PPP4R2: variants seen among roughly 807,000 people sequenced by gnomAD.
PPP4R2 encodes serine/threonine-protein phosphatase 4 regulatory subunit 2.
Under a neutral mutation model 47.2 loss-of-function variants are expected in PPP4R2, and 13 were observed. The ratio of observed to expected loss-of-function variants is 0.28; its 90% confidence interval spans 0.18 to 0.44. The LOEUF is 0.44. Among genes scored for constraint, PPP4R2 ranks in the 20% least tolerant of loss-of-function variants. The pLI, the probability that PPP4R2 is intolerant of heterozygous loss-of-function variation, is 1.00. For missense variants in PPP4R2, 421 were observed against 491.2 expected, an observed-to-expected ratio of 0.86 and a Z score of 1.35; for synonymous variants, 151 against 163.3, an observed-to-expected ratio of 0.92 and a Z score of 0.57.
At chr3:73,057,515 CTT>C (rs1434467531) in intron 3 of PPP4R2, among the ~76,000 whole-genome samples, 1 of 152,066 alleles carries the variant, frequency 6.6e-6, no homozygotes, top group Non-Finnish European at 1.5e-5. Flanking sequence ...TGTGCCTTGT[CTT>C]TTGGTAGAAC....
In PPP4R2 at chr3:73,064,931, G is replaced by A; in HGVS notation, c.718G>A (p.Ala240Thr). 6.2e-7 allele frequency: 1 copy of A among 1,613,892 alleles called. No homozygotes were observed. Reference sequence around the variant, plus strand: ...ACATCCAGATGAAGATGCTGTGGAAGCTGAGGGGCATGAGGTAAAAAGACT... The same window carrying A: ...ACATCCAGATGAAGATGCTGTGGAAACTGAGGGGCATGAGGTAAAAAGACT... ...NKHPDEDAVE[A>T]EGHEVKRLRF... is the part of the protein sequence containing the mutation. The change falls in exon 8 of 9, where the codon GCT becomes ACT. Residue 240 changes from alanine (A) to threonine (T), a missense_variant. Around this residue, in one of 2 missense-constraint regions of PPP4R2, gnomAD observed 317 missense variants for 287.5 expected, o/e 1.10. Transcript: ENST00000356692.
chr3:73,054,648 C>A (rs1273763021), intron 3 of PPP4R2, among the ~76,000 whole-genome samples: 2 of 151,966 alleles, frequency 1.3e-5, no homozygotes, highest in Admixed American at 6.6e-5. Flanking sequence ...TTTTTATGGT[C>A]ATTTCTTTAG....
Position 73,069,023 on chromosome 3 carries a change from T to A in PPP4R2, c.*3301T>A, listed in dbSNP as rs945557673. 2.0e-5 allele frequency: 3 copies of A among 152,108 alleles called. No homozygotes were observed. Among genetic ancestry groups the A allele is most frequent in the African/African-American group, 7.2e-5 (3 of 41,416 alleles). The allele number at this position is 152,108 out of a possible 1,614,324, so 9.4% of individuals were successfully genotyped here. ...TTCATATGGAATTATAAAAATTAGG[T>A]TTGCTGGGTTTTGGCCTAATAAGAG... On this transcript the variant is annotated 3_prime_UTR_variant, in exon 9 of 9. Transcript: ENST00000356692.
chr3:73,038,858 G>A (rs1054408855), intron 2 of PPP4R2, among the ~76,000 whole-genome samples: 1 of 152,174 alleles, frequency 6.6e-6, no homozygotes, highest in Admixed American at 6.5e-5. Flanking sequence ...TTGTCTGAAA[G>A]TTTGTGTTAC....
intron 3 of PPP4R2, among the ~76,000 whole-genome samples, chr3:73,050,453 TTATA>T (rs67972717): frequency 2.0e-5 from 3 of 152,000 alleles, no homozygotes; most frequent in Non-Finnish European, 4.4e-5. Context: ...TTTGTGTTTT[TTATA>T]TATATATAGT....
In PPP4R2 at chr3:73,065,120, G is replaced by T; in HGVS notation, c.907G>T (p.Glu303Ter). 6.2e-7 allele frequency: 1 copy of T among 1,609,780 alleles called. No homozygotes were observed. The highest frequency in any genetic ancestry group is 8.5e-7 in the Non-Finnish European group (1 of 1,178,228). ...GCACTGTACAGAAGAGGATGAAGAAGAGGATGAAGAGGAAGAAGAAGGTAT... is the reference window on the plus strand; with the variant it reads ...GCACTGTACAGAAGAGGATGAAGAATAGGATGAAGAGGAAGAAGAAGGTAT... ...RQHCTEEDEE[E>*]DEEEEEESFM... The change falls in exon 8 of 9, where the codon GAG (glutamate) becomes TAG (stop). Residue 303 changes from glutamate to a stop codon, truncating the protein, a stop_gained. Transcript: ENST00000356692. LOFTEE classifies it high-confidence loss of function.
chr3:73,046,928 T>C (rs891296312), intron 2 of PPP4R2, among the ~76,000 whole-genome samples: 1 of 152,178 alleles, frequency 6.6e-6, no homozygotes, highest in Non-Finnish European at 1.5e-5. Flanking sequence ...CCATAGACTT[T>C]CAGGCAGAGG....
chr3:73,048,150 C>A (rs1052238645), intron 3 of PPP4R2, among the ~76,000 whole-genome samples: 27 of 152,214 alleles, frequency 1.8e-4, no homozygotes, highest in African/African-American at 4.6e-4. Flanking sequence ...GCTGGAATTA[C>A]AGGCGTGAGC....
In PPP4R2 at chr3:73,064,198, A is replaced by G; in HGVS notation, c.638+52A>G. 11 of 1,466,698 alleles carry G rather than the reference A, an allele frequency of 7.5e-6. No homozygotes were observed. Among genetic ancestry groups the G allele is most frequent in the Non-Finnish European group, 1.0e-5 (11 of 1,074,232 alleles). 90.9% of individuals were successfully genotyped at this position (1,466,698 alleles called of 1,614,324 possible). On this transcript the variant is annotated intron_variant, in intron 7 of 8. Transcript: ENST00000356692. ...GTGTTTTTATTAAAAGTTAAAGTTAACATTTAATCAGTACTTATCACTTAC... is the reference window on the plus strand; with the variant it reads ...GTGTTTTTATTAAAAGTTAAAGTTAGCATTTAATCAGTACTTATCACTTAC...
At chr3:73,058,023 C>A (rs1285702227) in intron 3 of PPP4R2, among the ~76,000 whole-genome samples, 2 of 152,118 alleles carry the variant, frequency 1.3e-5, no homozygotes. Context: ...CTGCGTTTGT[C>A]GTACCTCGTG....
chr3:73,035,865 C>T (rs1312451905), intron 2 of PPP4R2, among the ~76,000 whole-genome samples: 1 of 152,178 alleles, frequency 6.6e-6, no homozygotes, highest in African/African-American at 2.4e-5. Context: ...ATCCGCCCAC[C>T]TCTGCCTCCC....
At chr3:73,006,397 C>T (rs1267287945) in intron 2 of PPP4R2, among the ~76,000 whole-genome samples, 2 of 151,938 alleles carry the variant, frequency 1.3e-5, no homozygotes, top group Admixed American at 6.6e-5. Flanking sequence ...CGGGGTTTTA[C>T]CACATGGGCC....
chr3:73,049,511 A>G (rs993133440), intron 3 of PPP4R2, among the ~76,000 whole-genome samples: 3 of 152,128 alleles, frequency 2.0e-5, no homozygotes, highest in Admixed American at 6.5e-5. Flanking sequence ...AAAAAAAGAG[A>G]ATACTTCTCG....
chr3:73,024,696 C>T (rs1463314426), intron 2 of PPP4R2, among the ~76,000 whole-genome samples: 2 of 151,694 alleles, frequency 1.3e-5, no homozygotes, highest in African/African-American at 2.4e-5. Context: ...TTGTTTTTTT[C>T]TTCACAGCTC....
intron 2 of PPP4R2, among the ~76,000 whole-genome samples, chr3:73,040,480 A>G (rs1216626292): frequency 6.6e-6 from 1 of 150,772 alleles, no homozygotes; most frequent in African/African-American, 2.4e-5. Flanking sequence ...TTTAATTGTA[A>G]TGAAGTAGAT....
At chr3:73,005,825 T>C (rs78535701) in intron 2 of PPP4R2, among the ~76,000 whole-genome samples, 1 of 44,508 alleles carries the variant, frequency 2.2e-5, no homozygotes, top group Non-Finnish European at 5.2e-5. Context: ...AGAGTGAAAC[T>C]CTGTCTGCAA....
intron 2 of PPP4R2, among the ~76,000 whole-genome samples, chr3:73,007,892 T>G (rs1701645455): frequency 6.6e-6 from 1 of 151,906 alleles, no homozygotes; most frequent in Non-Finnish European, 1.5e-5. Context: ...AATACTACCT[T>G]TATGAATTTT....
intron 2 of PPP4R2, among the ~76,000 whole-genome samples, chr3:73,017,027 A>G (rs769473402): frequency 6.6e-6 from 1 of 151,776 alleles, no homozygotes; most frequent in East Asian, 1.9e-4. Context: ...GGGTTTTGTC[A>G]TGTTGCCCAG....
intron 2 of PPP4R2, among the ~76,000 whole-genome samples, chr3:73,024,583 G>A (rs1346322601): frequency 6.6e-6 from 1 of 152,050 alleles, no homozygotes; most frequent in East Asian, 1.9e-4. Context: ...ATATTAAATG[G>A]TAAATAAACT....
Sources: gnomAD v4.1 joint callset for allele counts (sites outside exome capture counted in the v4.1 genomes callset) on GRCh38, gnomAD v4.1.1 for gene constraint, gnomAD v4.1.1 regional missense constraint, MANE v1.5 for transcripts, NCBI Gene and HGNC (gene_info 2026-07-23, HGNC 2026-07-21) for gene names.